The following NT5C1A variants were observed in gnomAD, a reference collection of about 807,000 sequenced individuals.
The protein encoded by NT5C1A is cytosolic 5'-nucleotidase 1A.
In NT5C1A, 18 loss-of-function variants were observed where a neutral mutation model predicts 31.0. The ratio of observed to expected loss-of-function variants is 0.58; its 90% CI spans 0.40 to 0.86. The LOEUF (loss-of-function observed/expected upper bound fraction) is 0.86, where lower values mean the gene tolerates loss of function less well. Among genes scored for constraint, NT5C1A ranks in the 40% least tolerant of loss-of-function variants. NT5C1A has a pLI of 0.00. For missense variants in NT5C1A, 470 were observed against 505.4 expected, an observed-to-expected ratio of 0.93 and a Z score of 0.67; for synonymous variants, 185 against 203.6, an observed-to-expected ratio of 0.91 and a Z score of 0.78.
At chr1:39,663,678 C>G (rs1646503558) in intron 3 of NT5C1A, among the ~76,000 whole-genome samples, 1 of 145,226 alleles carries the variant, frequency 6.9e-6, no homozygotes, top group South Asian at 2.2e-4. Flanking sequence ...AATCACAGTG[C>G]TACATGCCTG....
At chr1:39,663,278 A>C (rs757002114) in intron 4 of NT5C1A, 34 bp downstream of exon 4, 1 of 1,613,222 alleles carries the variant, frequency 6.2e-7, no homozygotes, top group Non-Finnish European at 8.5e-7. Context: ...CCTTTGCTGC[A>C]CTCCCCATAT....
At position 39,657,407 on chromosome 1, in the gene NT5C1A, C is replaced by T. The variant is rs1646469378; in HGVS notation, c.*1714G>A. On this transcript the variant is annotated 3_prime_UTR_variant, in exon 6 of 6. Transcript: ENST00000235628. Reference sequence around the variant, plus strand: ...CAAAGATCAAAAACCCCAGGGTGTTCTCTTCCCCTATTTCCTACCACCACA... The same window carrying T: ...CAAAGATCAAAAACCCCAGGGTGTTTTCTTCCCCTATTTCCTACCACCACA... 6.6e-6 allele frequency among the ~76,000 whole-genome samples: 1 copy of T among 152,246 alleles called. No individual in the cohort carries two copies. Among genetic ancestry groups the T allele is most frequent in the African/African-American group, 2.4e-5 (1 of 41,460 alleles).
intron 5 of NT5C1A, 60 bp downstream of exon 5, chr1:39,661,019 A>C: frequency 9.9e-7 from 1 of 1,007,446 alleles, no homozygotes; most frequent in South Asian, 1.6e-5. Context: ...AGTGCAGGCC[A>C]AGGGCAGGTC....
intron 2 of NT5C1A, 123 bp from the exon 3 acceptor site, chr1:39,665,773 T>G: frequency 2.1e-6 from 2 of 963,220 alleles, no homozygotes; most frequent in Non-Finnish European, 3.1e-6. Context: ...GCACATGAAC[T>G]ACCTTCTCCT....
intron 1 of NT5C1A, 28 bp downstream of exon 1, chr1:39,671,876 C>T (rs762932033): frequency 6.2e-6 from 10 of 1,611,388 alleles, no homozygotes; most frequent in African/African-American, 1.3e-5. Flanking sequence ...CTTCCCCCGT[C>T]CCCCGCATAC....
chr1:39,665,406 C>G, intron 3 of NT5C1A, 115 bp downstream of exon 3: 1 of 983,088 alleles, frequency 1.0e-6, no homozygotes, highest in Non-Finnish European at 1.4e-6. Flanking sequence ...CCAGCACACA[C>G]TGGACTTGGG....
chr1:39,662,233 C>A (rs1468655502), intron 4 of NT5C1A, among the ~76,000 whole-genome samples: 1 of 152,198 alleles, frequency 6.6e-6, no homozygotes, highest in Non-Finnish European at 1.5e-5. Context: ...AGCAGTGCTA[C>A]CTGCACACAA....
chr1:39,667,762 A>G (rs1057391720), intron 1 of NT5C1A, among the ~76,000 whole-genome samples: 2 of 152,252 alleles, frequency 1.3e-5, no homozygotes, highest in African/African-American at 2.4e-5. Context: ...TTAAAAGAGC[A>G]ATGTCCAATG....
intron 2 of NT5C1A, 145 bp downstream of exon 2, chr1:39,665,924 A>T (rs1646519175): frequency 1.3e-6 from 1 of 797,722 alleles, no homozygotes; most frequent in African/African-American, 1.7e-5. Context: ...TTCCCAAAAG[A>T]CTCTGTCACC....
rs753419599 is a variant in NT5C1A at position 39,661,285 on chromosome 1, T to C, written c.557-22A>G. 8 of 1,436,652 alleles carry C rather than the reference T, an allele frequency of 5.6e-6. No individual in the cohort carries two copies. In the South Asian group the frequency reaches 5.9e-5, roughly 11 times the overall value. The allele number at this position is 1,436,652 out of a possible 1,614,324, so 89.0% of individuals were successfully genotyped here. ...ATCCCTAGGCAGAGAGAGGCAAGCATTGTCTGCCTTCAGGCTGGGCAGTAG... is the reference window on the plus strand; with the variant it reads ...ATCCCTAGGCAGAGAGAGGCAAGCACTGTCTGCCTTCAGGCTGGGCAGTAG... On this transcript the variant is annotated intron_variant, in intron 4 of 5. Coordinates refer to ENST00000235628, the MANE Select transcript of NT5C1A (RefSeq NM_032526.3).
At position 39,661,189 on chromosome 1, in the gene NT5C1A, C is replaced by T. The variant is rs1293763966; in HGVS notation, c.631G>A (p.Asp211Asn). 6 of 1,599,520 alleles carry T rather than the reference C, an allele frequency of 3.8e-6. No homozygotes were observed. The highest frequency in any genetic ancestry group is 5.1e-6 in the Non-Finnish European group (6 of 1,167,770). Residue 211 changes from aspartate (D) to asparagine (N), a missense_variant, in exon 5 of 6, where the codon GAT (aspartate) becomes AAT (asparagine). Asp to Asn is a conservative substitution (Grantham distance 23). Coordinates refer to ENST00000235628, the MANE Select transcript of NT5C1A (RefSeq NM_032526.3). ...TCCGAGAAGAGCACGGCGTCCCCAT[C>T]GAAGGCCACGCGCAGCTGACTCTGG... ...VSQSQLRVAF[D>N]GDAVLFSDES...
chr1:39,670,442 C>T (rs1391657906), intron 1 of NT5C1A, among the ~76,000 whole-genome samples: 1 of 152,230 alleles, frequency 6.6e-6, no homozygotes, highest in African/African-American at 2.4e-5. Flanking sequence ...GGCCTTCAAG[C>T]TGCTAAAATG....
At chr1:39,671,349 C>G (rs1395331149) in intron 1 of NT5C1A, among the ~76,000 whole-genome samples, 1 of 152,186 alleles carries the variant, frequency 6.6e-6, no homozygotes, top group Non-Finnish European at 1.5e-5. Context: ...GCGCCGATCG[C>G]CCCCCAGCGC....
At chr1:39,670,949 A>T (rs965707311) in intron 1 of NT5C1A, among the ~76,000 whole-genome samples, 1 of 152,090 alleles carries the variant, frequency 6.6e-6, no homozygotes, top group East Asian at 1.9e-4. Flanking sequence ...GACTCAGGTT[A>T]TTTAATTCTT....
At chr1:39,669,371 G>T (rs1338900226) in intron 1 of NT5C1A, among the ~76,000 whole-genome samples, 2 of 152,196 alleles carry the variant, frequency 1.3e-5, no homozygotes, top group Non-Finnish European at 2.9e-5. Context: ...GGGAAGGGCT[G>T]CTGAAAGAGA....
rs2124146848 is a variant in NT5C1A at position 39,657,578 on chromosome 1, G to A, written c.*1543C>T. ...TCTGTCTCCCTGGGGACCAGCCATT[G>A]GTGCTTCCACCCTCCCTCTGGAGAG... On this transcript the variant is annotated 3_prime_UTR_variant, in exon 6 of 6. Transcript: ENST00000235628. Among the ~76,000 whole-genome samples the A allele has an allele frequency of 6.6e-6, 1 of 152,316 alleles. No homozygotes were observed. The highest frequency in any genetic ancestry group is 2.1e-4 in the South Asian group (1 of 4,826).
chr1:39,661,938 CA>C (rs1278851661), intron 4 of NT5C1A, among the ~76,000 whole-genome samples: 1 of 152,148 alleles, frequency 6.6e-6, no homozygotes, highest in African/African-American at 2.4e-5. Flanking sequence ...TTCAGGGTTC[CA>C]AAAAACAACC....
rs185858744 is a variant in NT5C1A at position 39,655,380 on chromosome 1, T to G, written c.*3741A>C. ...ACTTGGGATTGTTTGGAAGTGCTTC[T>G]GGGGGTTCACAAACGTTTGGCTCTA... On this transcript the variant is annotated 3_prime_UTR_variant, in exon 6 of 6. Transcript: ENST00000235628. Among the ~76,000 whole-genome samples the G allele has an allele frequency of 6.6e-6, 1 of 152,220 alleles. No individual in the cohort carries two copies. Among genetic ancestry groups the G allele is most frequent in the Non-Finnish European group, 1.5e-5 (1 of 68,050 alleles).
At chr1:39,666,704 T>C (rs911676251) in intron 1 of NT5C1A, among the ~76,000 whole-genome samples, 1 of 151,114 alleles carries the variant, frequency 6.6e-6, no homozygotes, top group African/African-American at 2.4e-5. Context: ...GATTCATACA[T>C]CCATCTAACT....
Sources: gnomAD v4.1 joint callset for allele counts (sites outside exome capture counted in the v4.1 genomes callset) on GRCh38, gnomAD v4.1.1 for gene constraint, MANE v1.5 for transcripts, NCBI Gene and HGNC (gene_info 2026-07-23, HGNC 2026-07-21) for gene names.